MTARC1: variants seen among roughly 807,000 people sequenced by gnomAD.
MTARC1 encodes mitochondrial amidoxime reducing component 1.
A neutral mutation model predicts 33.6 loss-of-function variants in MTARC1; 24 were observed. The ratio of observed to expected loss-of-function variants is 0.72; its 90% CI spans 0.52 to 1.01. MTARC1 has a LOEUF of 1.01. Among genes scored for constraint, MTARC1 ranks in the 50% least tolerant of loss-of-function variants. The probability of loss-of-function intolerance (pLI) is 0.00; values close to 1 mark genes in which losing one functional copy is unlikely to be tolerated. For synonymous variants in MTARC1, 187 were observed against 189.5 expected, an observed-to-expected ratio of 0.99 and a Z score of 0.11; for missense variants, 417 against 445.7, an observed-to-expected ratio of 0.94 and a Z score of 0.58.
At chr1:220,798,096 A>C (rs751283842) in intron 4 of MTARC1, 82 bp downstream of exon 4, 1 of 1,612,556 alleles carries the variant, frequency 6.2e-7, no homozygotes, top group Non-Finnish European at 8.5e-7. Flanking sequence ...GGATTAGATT[A>C]TTCTGAAGGG....
intron 6 of MTARC1, among the ~76,000 whole-genome samples, chr1:220,809,675 A>G (rs11118606): frequency 0.25 from 38,313 of 151,968 alleles, 4,943 homozygotes; most frequent in Admixed American, 0.3. Context: ...ACGCCTGGCT[A>G]ATTTTTGTAT....
At chr1:220,799,294 GC>G (rs964245966) in intron 4 of MTARC1, 2 of 555,576 alleles carry the variant, frequency 3.6e-6, no homozygotes, top group African/African-American at 4.1e-5. Context: ...TGGACTGTGT[GC>G]ATGTCCCCCA....
intron 1 of MTARC1, 135 bp from the exon 2 acceptor site, chr1:220,791,356 C>T (rs1391022244): frequency 2.2e-6 from 2 of 903,670 alleles, no homozygotes; most frequent in Middle Eastern, 3.4e-4. Context: ...CAGACAGACA[C>T]ACACACTCAA....
Position 220,798,053 on chromosome 1 carries a change from C to A in MTARC1, c.753+39C>A, listed in dbSNP as rs373117628. 241 of 1,613,986 alleles carry A rather than the reference C, an allele frequency of 1.5e-4. 1 individual carries two copies. The African/African-American group carries it at 2.1e-3, about 14-fold the overall frequency. ...CCTTTGGATCTTTCCTTGGATTTGA[C>A]TTCTTTTTTAAGGTATGAGAGTCTT... On this transcript the variant is annotated intron_variant, in intron 4 of 6. Transcript: ENST00000366910.
At chr1:220,797,321 G>C (rs1029514988) in intron 3 of MTARC1, among the ~76,000 whole-genome samples, 18 of 152,160 alleles carry the variant, frequency 1.2e-4, no homozygotes, top group Admixed American at 5.2e-4. Flanking sequence ...TACTGCTAAG[G>C]AGGCTGAGGT....
chr1:220,796,780 C>G lies in MTARC1; in HGVS notation c.587C>G (p.Ala196Gly). The G allele has an allele frequency of 6.2e-7, 1 of 1,611,476 alleles. No homozygotes were observed. Among genetic ancestry groups the G allele is most frequent in the Non-Finnish European group, 8.5e-7 (1 of 1,178,884 alleles). Residue 196 changes from alanine to glycine, a missense_variant, in exon 3 of 7, where the codon GCA becomes GGA. Transcript: ENST00000366910. ...CGACCGAGACGTCCTCATCAAATAGCAGACTTGTTCCGACCCAAGGACCAG... is the reference window on the plus strand; with the variant it reads ...CGACCGAGACGTCCTCATCAAATAGGAGACTTGTTCCGACCCAAGGACCAG... ...HMRPRRPHQI[A>G]DLFRPKDQIA...
intron 1 of MTARC1, among the ~76,000 whole-genome samples, chr1:220,789,529 G>A (rs752189925): frequency 4.6e-5 from 7 of 152,212 alleles, no homozygotes; most frequent in Non-Finnish European, 7.3e-5. Context: ...CCTGGGCCAC[G>A]GGTTGGACAA....
chr1:220,798,226 A>G (rs1050418501), intron 4 of MTARC1: 31 of 1,487,314 alleles, frequency 2.1e-5, no homozygotes, highest in Non-Finnish European at 2.8e-5. Context: ...ACTGTCATCA[A>G]GGAGGCAGTT....
chr1:220,812,558 G>A (rs7534861), intron 6 of MTARC1, among the ~76,000 whole-genome samples: 63,937 of 152,004 alleles, frequency 0.42, 13,579 homozygotes, highest in African/African-American at 0.46. Flanking sequence ...CTTGGAACTC[G>A]GCAGCTGCGG....
rs904246340 is a variant in MTARC1 at position 220,816,980 on chromosome 1, C to T, written c.*3562C>T. ...AAACCAAACTCTCTCTAACCTTGCC[C>T]TTACAGCAATACCTGTGATGTAAGT... On this transcript the variant is annotated 3_prime_UTR_variant, in exon 7 of 7. Transcript: ENST00000366910. 1 of 152,144 alleles carries T rather than the reference C, an allele frequency of 6.6e-6. No homozygotes were observed. The highest frequency in any genetic ancestry group is 1.5e-5 in the Non-Finnish European group (1 of 68,060). 9.4% of individuals were successfully genotyped at this position (152,144 alleles called of 1,614,324 possible). A position where few individuals can be genotyped will look rare whatever the true frequency, so the allele number is the denominator to read the frequency against.
chr1:220,808,576 C>T (rs1462042667), intron 6 of MTARC1, among the ~76,000 whole-genome samples: 2 of 152,192 alleles, frequency 1.3e-5, no homozygotes, highest in Non-Finnish European at 2.9e-5. Context: ...GCAGGTTGCT[C>T]AGAGCTACAC....
At chr1:220,787,925 T>C (rs1469715348) in intron 1 of MTARC1, among the ~76,000 whole-genome samples, 1 of 151,976 alleles carries the variant, frequency 6.6e-6, no homozygotes. Context: ...GGAGAATAGC[T>C]TGAACCCGGG....
chr1:220,803,616 C>G (rs1430098568), intron 4 of MTARC1, among the ~76,000 whole-genome samples: 2 of 152,148 alleles, frequency 1.3e-5, no homozygotes, highest in African/African-American at 4.8e-5. Context: ...CAGGCTTGTC[C>G]TGTTTGAACT....
intron 3 of MTARC1, 118 bp from the exon 4 acceptor site, chr1:220,797,756 T>G: frequency 1.1e-6 from 1 of 942,862 alleles, no homozygotes; most frequent in Non-Finnish European, 1.6e-6. Flanking sequence ...GAGAACTACT[T>G]TGAAAGATTG....
At chr1:220,795,204 C>T (rs1300163190) in intron 2 of MTARC1, among the ~76,000 whole-genome samples, 1 of 152,170 alleles carries the variant, frequency 6.6e-6, no homozygotes, top group Non-Finnish European at 1.5e-5. Flanking sequence ...CTGAGCATAT[C>T]CCAGTCCTAA....
intron 1 of MTARC1, among the ~76,000 whole-genome samples, chr1:220,787,641 A>T (rs1672276475): frequency 6.6e-6 from 1 of 152,148 alleles, no homozygotes; most frequent in Non-Finnish European, 1.5e-5. Context: ...TGAACTGTAG[A>T]GTCCAGCCCT....
rs554322376 is a variant in MTARC1 at position 220,800,902 on chromosome 1, C to G, written c.753+2888C>G. On this transcript the variant is annotated intron_variant, in intron 4 of 6. Transcript: ENST00000366910. Reference sequence around the variant, plus strand: ...GATCTTGGTGGCTGGGCCTTCCCCCCCACTCCCCTCTCTGCCCGGATGCAG... The same window carrying G: ...GATCTTGGTGGCTGGGCCTTCCCCCGCACTCCCCTCTCTGCCCGGATGCAG... Among the ~76,000 whole-genome samples the G allele has an allele frequency of 5.3e-5, 8 of 152,248 alleles. No individual in the cohort carries two copies. In the East Asian group the frequency reaches 7.8e-4, roughly 15 times the overall value.
chr1:220,792,870 T>C (rs1445300471), intron 2 of MTARC1, among the ~76,000 whole-genome samples: 2 of 152,308 alleles, frequency 1.3e-5, no homozygotes, highest in East Asian at 3.9e-4. Context: ...TAATATTTCA[T>C]TTTGTGGGTG....
At chr1:220,801,374 C>T (rs1672800342) in intron 4 of MTARC1, among the ~76,000 whole-genome samples, 1 of 152,128 alleles carries the variant, frequency 6.6e-6, no homozygotes, top group African/African-American at 2.4e-5. Flanking sequence ...CCCCACCTAA[C>T]AAGCCGTGTG....
Sources: gnomAD v4.1 joint callset for allele counts (sites outside exome capture counted in the v4.1 genomes callset) on GRCh38, gnomAD v4.1.1 for gene constraint, MANE v1.5 for transcripts, NCBI Gene and HGNC (gene_info 2026-07-23, HGNC 2026-07-21) for gene names.